KLHL1: variants seen among roughly 807,000 people sequenced by gnomAD.
The protein encoded by KLHL1 is kelch-like protein 1.
In KLHL1, 47 loss-of-function variants were observed where a neutral mutation model predicts 77.7. The ratio of observed to expected loss-of-function variants is 0.60; its 90% confidence interval spans 0.48 to 0.77. The LOEUF is 0.77. Among genes scored for constraint, KLHL1 ranks in the 30% least tolerant of loss-of-function variants. The probability of loss-of-function intolerance (pLI) is 0.00; values close to 1 mark genes in which losing one functional copy is unlikely to be tolerated. For missense variants in KLHL1, 925 were observed against 910.8 expected (o/e 1.02, Z -0.20); for synonymous variants, 360 against 325.2 (o/e 1.11, Z -1.15).
intron 7 of KLHL1, among the ~76,000 whole-genome samples, chr13:69,752,506 A>G (rs937723259): frequency 3.9e-5 from 6 of 152,190 alleles, no homozygotes; most frequent in African/African-American, 1.4e-4. Flanking sequence ...TTAAAGTGCA[A>G]TGTTATAACA....
At chr13:69,865,240 A>C (rs762344425) in intron 5 of KLHL1, among the ~76,000 whole-genome samples, 1 of 152,080 alleles carries the variant, frequency 6.6e-6, no homozygotes, top group Non-Finnish European at 1.5e-5. Flanking sequence ...CTCGGCCCTG[A>C]GTTGAGCTTT....
chr13:69,823,989 T>C (rs962525320), intron 6 of KLHL1, among the ~76,000 whole-genome samples: 4 of 152,008 alleles, frequency 2.6e-5, no homozygotes, highest in African/African-American at 9.7e-5. Context: ...TGTGTGTATA[T>C]ATATGTATAT....
intron 7 of KLHL1, among the ~76,000 whole-genome samples, chr13:69,785,322 A>C (rs1010712324): frequency 6.6e-6 from 1 of 152,206 alleles, no homozygotes; most frequent in African/African-American, 2.4e-5. Flanking sequence ...ACCACAGTGC[A>C]ATCAAACTAG....
intron 4 of KLHL1, among the ~76,000 whole-genome samples, chr13:69,889,303 T>G (rs371607481): frequency 1.3e-5 from 2 of 152,012 alleles, no homozygotes; most frequent in Non-Finnish European, 2.9e-5. Flanking sequence ...AACACTACCT[T>G]AGAATTTCAA....
At chr13:70,091,610 T>C (rs180709012) in intron 1 of KLHL1, among the ~76,000 whole-genome samples, 15 of 152,280 alleles carry the variant, frequency 9.9e-5, no homozygotes, top group African/African-American at 2.6e-4. Flanking sequence ...TCCCTGGCCT[T>C]CTTCTACCTT....
intron 4 of KLHL1, among the ~76,000 whole-genome samples, chr13:69,904,460 A>G (rs1418996544): frequency 6.6e-6 from 1 of 152,196 alleles, no homozygotes; most frequent in Non-Finnish European, 1.5e-5. Flanking sequence ...CAACTGAAAG[A>G]GCTGAAGTTG....
chr13:70,052,896 T>G (rs1172491457), intron 1 of KLHL1, among the ~76,000 whole-genome samples: 2 of 152,046 alleles, frequency 1.3e-5, no homozygotes, highest in Non-Finnish European at 2.9e-5. Context: ...ATTTTATTCC[T>G]TACATTGATA....
chr13:69,707,229 T>C (rs540263402), intron 10 of KLHL1, among the ~76,000 whole-genome samples: 6 of 152,022 alleles, frequency 3.9e-5, no homozygotes, highest in Non-Finnish European at 8.8e-5. Flanking sequence ...TAATAAGCAG[T>C]AACAAAAATG....
chr13:69,811,729 A>G (rs1877889582), intron 6 of KLHL1, among the ~76,000 whole-genome samples: 2 of 152,132 alleles, frequency 1.3e-5, no homozygotes, highest in African/African-American at 2.4e-5. Flanking sequence ...AGAAAACCAC[A>G]AAGATTCTAT....
chr13:69,985,038 G>T (rs1418337656), intron 1 of KLHL1, among the ~76,000 whole-genome samples: 1 of 152,086 alleles, frequency 6.6e-6, no homozygotes, highest in Admixed American at 6.6e-5. Flanking sequence ...CTTGAACCTG[G>T]GAGGCAGAGT....
At chr13:69,798,146 A>G (rs913142366) in intron 6 of KLHL1, among the ~76,000 whole-genome samples, 2 of 152,160 alleles carry the variant, frequency 1.3e-5, no homozygotes, top group African/African-American at 4.8e-5. Context: ...GTTTGACTTC[A>G]TGTTCAGACT....
intron 5 of KLHL1, among the ~76,000 whole-genome samples, chr13:69,880,147 C>T (rs1263802453): frequency 6.6e-6 from 1 of 152,092 alleles, no homozygotes; most frequent in Non-Finnish European, 1.5e-5. Context: ...CCTGATTTTC[C>T]ACTAGCTCTA....
intron 7 of KLHL1, among the ~76,000 whole-genome samples, chr13:69,770,071 C>T (rs1323496107): frequency 2.0e-5 from 3 of 152,128 alleles, no homozygotes; most frequent in African/African-American, 7.2e-5. Flanking sequence ...AATTTTCAAA[C>T]TTCTTGGGGG....
intron 5 of KLHL1, among the ~76,000 whole-genome samples, chr13:69,879,240 T>C (rs1477591173): frequency 6.6e-6 from 1 of 152,144 alleles, no homozygotes; most frequent in Non-Finnish European, 1.5e-5. Context: ...ATGTGATTAC[T>C]TCAGTAGTAT....
intron 1 of KLHL1, among the ~76,000 whole-genome samples, chr13:70,035,569 T>G (rs1482168113): frequency 6.6e-6 from 1 of 152,036 alleles, no homozygotes; most frequent in African/African-American, 2.4e-5. Context: ...AAAGAGTACT[T>G]TGTTTACCAA....
chr13:70,049,093 T>C (rs1886572166), intron 1 of KLHL1, among the ~76,000 whole-genome samples: 1 of 152,220 alleles, frequency 6.6e-6, no homozygotes, highest in Non-Finnish European at 1.5e-5. Context: ...AATGGCAATT[T>C]ATAGTTTAGA....
intron 4 of KLHL1, among the ~76,000 whole-genome samples, chr13:69,923,541 C>A (rs552948630): frequency 1.3e-5 from 2 of 152,032 alleles, no homozygotes; most frequent in Admixed American, 1.3e-4. Context: ...TTTTAAAGTG[C>A]CATCTTGAAT....
intron 9 of KLHL1, among the ~76,000 whole-genome samples, chr13:69,709,949 C>T (rs1875802918): frequency 6.6e-6 from 1 of 151,800 alleles, no homozygotes; most frequent in South Asian, 2.1e-4. Flanking sequence ...TCCTGTCACA[C>T]AAGCAGTTTT....
intron 1 of KLHL1, among the ~76,000 whole-genome samples, chr13:70,095,921 C>A (rs938267126): frequency 2.1e-4 from 32 of 151,952 alleles, no homozygotes; most frequent in African/African-American, 7.5e-4. Context: ...TTTTAGTTCC[C>A]AGATATGAGT....
Sources: allele counts gnomAD v4.1 joint callset (sites outside exome capture counted in the v4.1 genomes callset), GRCh38; gene constraint gnomAD v4.1.1; transcripts MANE v1.5; gene names NCBI Gene and HGNC (gene_info 2026-07-23, HGNC 2026-07-21).